The following RLN2 variants were observed in gnomAD, a reference collection of about 807,000 sequenced individuals.
RLN2 encodes relaxin 2, also known as prorelaxin H2.
RLN2 carries 10 observed loss-of-function variants against 7.3 expected under a neutral mutation model. The observed-to-expected ratio is 1.36, with a 90% CI of 0.84 to 2.31. The LOEUF is 2.31. RLN2 is among the 30% of genes most tolerant of loss of function. The pLI is 0.00. For synonymous variants in RLN2, 103 were observed against 82.3 expected (o/e 1.25, Z -1.36); for missense variants, 298 against 217.6 (o/e 1.37, Z -2.32).
At chr9:5,317,343 C>G in the RLN2 span, among the ~76,000 whole-genome samples, 1 of 151,190 alleles carries the variant, frequency 6.6e-6, no homozygotes, top group African/African-American at 2.4e-5. Context: ...CACACATACC[C>G]TGGGAGGCTG....
At chr9:5,323,485 A>G in the RLN2 span, among the ~76,000 whole-genome samples, 2 of 151,888 alleles carry the variant, frequency 1.3e-5, no homozygotes, top group Non-Finnish European at 2.9e-5. Context: ...TCCCTTTTAT[A>G]TGGCTCAATA....
At chr9:5,323,855 T>A in the RLN2 span, among the ~76,000 whole-genome samples, 48 of 152,022 alleles carry the variant, frequency 3.2e-4, 1 homozygote, top group African/African-American at 1.1e-3. Context: ...AAGACCAACC[T>A]GGCCAACATG....
the RLN2 span, chr9:5,335,568 T>A: frequency 6.2e-7 from 1 of 1,610,488 alleles, no homozygotes; most frequent in Non-Finnish European, 8.5e-7. Flanking sequence ...ATAGTTTCTG[T>A]ATCTTTGTTG....
the RLN2 span, chr9:5,311,651 G>A: frequency 1.5e-6 from 2 of 1,332,880 alleles, no homozygotes; most frequent in African/African-American, 1.4e-5. Flanking sequence ...GAATAACCCT[G>A]CAGAAAATGG....
the RLN2 span, among the ~76,000 whole-genome samples, chr9:5,316,412 G>C: frequency 8.6e-5 from 13 of 151,398 alleles, no homozygotes; most frequent in African/African-American, 2.9e-4. Context: ...ATCTACATTA[G>C]GTATTTCTTC....
chr9:5,330,150 C>G, the RLN2 span, among the ~76,000 whole-genome samples: 14 of 152,014 alleles, frequency 9.2e-5, no homozygotes, highest in African/African-American at 3.1e-4. Flanking sequence ...CAACCTGCTC[C>G]TGAATGACTA....
chr9:5,313,476 C>A, the RLN2 span, among the ~76,000 whole-genome samples: 1 of 151,970 alleles, frequency 6.6e-6, no homozygotes, highest in Non-Finnish European at 1.5e-5. Context: ...AGAAGCAAGT[C>A]TCTTGCAGAG....
chr9:5,320,959 T>G, the RLN2 span, among the ~76,000 whole-genome samples: 1 of 152,052 alleles, frequency 6.6e-6, no homozygotes, highest in Admixed American at 6.6e-5. Context: ...TCATCAAAAT[T>G]AGGCAGCACT....
At chr9:5,318,188 T>A in the RLN2 span, among the ~76,000 whole-genome samples, 2 of 152,056 alleles carry the variant, frequency 1.3e-5, no homozygotes, top group African/African-American at 4.8e-5. Context: ...TTCTGGATTT[T>A]AAAAATTATT....
the RLN2 span, chr9:5,335,745 A>T: frequency 1.6e-6 from 1 of 618,138 alleles, no homozygotes; most frequent in African/African-American, 1.8e-5. Flanking sequence ...CCTAATATCT[A>T]AACACTTAGC....
chr9:5,322,100 G>C, the RLN2 span, among the ~76,000 whole-genome samples: 120 of 152,046 alleles, frequency 7.9e-4, 2 homozygotes, highest in Middle Eastern at 3.4e-3. Flanking sequence ...ACACTGAGGA[G>C]TAGAGCAGGT....
At chr9:5,325,723 T>C in the RLN2 span, among the ~76,000 whole-genome samples, 4 of 152,104 alleles carry the variant, frequency 2.6e-5, no homozygotes, top group African/African-American at 9.7e-5. Context: ...TGTTAATTGT[T>C]ATATGAGGAA....
the RLN2 span, among the ~76,000 whole-genome samples, chr9:5,309,921 C>T: frequency 6.6e-6 from 1 of 151,954 alleles, no homozygotes; most frequent in African/African-American, 2.4e-5. Flanking sequence ...CCCCAGATTA[C>T]TAGAACTAGG....
chr9:5,334,807 A>C, the RLN2 span, among the ~76,000 whole-genome samples: 1 of 152,192 alleles, frequency 6.6e-6, no homozygotes, highest in Admixed American at 6.5e-5. Flanking sequence ...GATGGTTTGC[A>C]ATGAGTAGTT....
the RLN2 span, among the ~76,000 whole-genome samples, chr9:5,319,205 C>A: frequency 1.3e-5 from 2 of 151,914 alleles, no homozygotes; most frequent in Non-Finnish European, 2.9e-5. Flanking sequence ...GCAAAATGAT[C>A]TAGATTTTTT....
At chr9:5,335,175 C>G in the RLN2 span, 3 of 802,614 alleles carry the variant, frequency 3.7e-6, no homozygotes, top group African/African-American at 5.2e-5. Context: ...ATTAGTGGGA[C>G]CTGACAGAAG....
At chr9:5,304,258 G>C in intron 1 of RLN2, 112 bp downstream of exon 1, 2 of 684,298 alleles carry the variant, frequency 2.9e-6, no homozygotes, top group Admixed American at 5.1e-5. Flanking sequence ...CTGAGCGGTG[G>C]CAGCCAATGA....
At chr9:5,309,868 G>A in the RLN2 span, among the ~76,000 whole-genome samples, 2 of 152,098 alleles carry the variant, frequency 1.3e-5, no homozygotes, top group Non-Finnish European at 2.9e-5. Flanking sequence ...AAGCATGGGA[G>A]CACCTAGAAG....
At chr9:5,337,055 G>A in the RLN2 span, among the ~76,000 whole-genome samples, 1 of 152,008 alleles carries the variant, frequency 6.6e-6, no homozygotes, top group African/African-American at 2.4e-5. Flanking sequence ...TAACACTCTC[G>A]CTCATCCACA....
Sources: gnomAD v4.1 joint callset for allele counts (sites outside exome capture counted in the v4.1 genomes callset) on GRCh38, gnomAD v4.1.1 for gene constraint, MANE v1.5 for transcripts, NCBI Gene and HGNC (gene_info 2026-07-23, HGNC 2026-07-21) for gene names.